The following EGF variants were observed in gnomAD, a reference collection of about 807,000 sequenced individuals.
EGF encodes epidermal growth factor.
A neutral mutation model predicts 143.8 loss-of-function variants in EGF; 95 were observed. The ratio of observed to expected loss-of-function variants is 0.66; its 90% CI spans 0.56 to 0.78. The LOEUF is 0.78. Among genes scored for constraint, EGF ranks in the 30% least tolerant of loss-of-function variants. The pLI, the probability that EGF is intolerant of heterozygous loss-of-function variation, is 0.00. For synonymous variants in EGF, 510 were observed against 510.5 expected, an observed-to-expected ratio of 1.00 and a Z score of 0.01; for missense variants, 1,320 against 1,470.9, an observed-to-expected ratio of 0.90 and a Z score of 1.68.
In EGF at chr4:109,959,277, C is replaced by T. The variant is rs371001195; in HGVS notation, c.941-35C>T. The T allele has an allele frequency of 5.1e-5, 83 of 1,612,968 alleles. No individual in the cohort carries two copies. The African/African-American group carries it at 6.4e-4, about 12-fold the overall frequency. ...TTTAGCAGTGTCCTCTGTCAAAACA[C>T]GGCCCCACTCCAAATAAAGCATCTT... On this transcript the variant is annotated intron_variant, in intron 5 of 23. Coordinates refer to ENST00000265171, the MANE Select transcript of EGF (RefSeq NM_001963.6).
In EGF at chr4:110,012,888, C is replaced by G. The variant is rs1047629094; in HGVS notation, c.*1433C>G. 6.6e-6 allele frequency among the ~76,000 whole-genome samples: 1 copy of G among 152,082 alleles called. No homozygotes were observed. Among genetic ancestry groups the G allele is most frequent in the South Asian group, 2.1e-4 (1 of 4,820 alleles). The stretch of plus-strand genomic sequence containing the variant: ...ATTCAGTTTATGCATTAACTAGTCC[C>G]TTTGTTTATCTTTCATTTCTCAACC... On this transcript the variant is annotated 3_prime_UTR_variant, in exon 24 of 24. Transcript: ENST00000265171.
At position 109,987,853 on chromosome 4, in the gene EGF, A is replaced by G. The variant is rs1284608571; in HGVS notation, c.2601A>G (p.Leu867=). The part of the protein sequence containing the change: ...CLKGFAGDGK[L]CSDIDECEMG... ...AAGGATTTGCTGGGGATGGAAAACT[A>G]TGTTCTGGTAAGAGAAAAGGGCAAA... is the stretch of plus-strand genomic sequence containing the variant. The change falls in exon 17 of 24, where the codon CTA becomes CTG. Residue 867 remains leucine (L), a synonymous_variant. Coordinates refer to ENST00000265171, the MANE Select transcript of EGF (RefSeq NM_001963.6). 1 of 1,612,920 alleles carries G rather than the reference A, an allele frequency of 6.2e-7. No individual in the cohort carries two copies. The highest frequency in any genetic ancestry group is 1.3e-5 in the African/African-American group (1 of 74,984).
At chr4:109,942,300 A>G (rs1320760167) in intron 2 of EGF, among the ~76,000 whole-genome samples, 1 of 152,256 alleles carries the variant, frequency 6.6e-6, no homozygotes, top group Non-Finnish European at 1.5e-5. Flanking sequence ...TTTATAAAGG[A>G]CAACTGTTAA....
chr4:109,932,786 G>C (rs1207694643), intron 1 of EGF, among the ~76,000 whole-genome samples: 2 of 152,064 alleles, frequency 1.3e-5, no homozygotes, highest in Admixed American at 6.6e-5. Context: ...ATAGACTATA[G>C]AGCATGCATG....
intron 1 of EGF, among the ~76,000 whole-genome samples, chr4:109,926,041 A>AAAGAT (rs1419375269): frequency 2.6e-5 from 4 of 152,216 alleles, no homozygotes; most frequent in Non-Finnish European, 5.9e-5. Flanking sequence ...TTTGTCTTAC[A>AAAGAT]TACTTCCCAC....
chr4:109,959,694 G>A (rs1424414622), intron 6 of EGF, among the ~76,000 whole-genome samples: 1 of 152,132 alleles, frequency 6.6e-6, no homozygotes, highest in African/African-American at 2.4e-5. Context: ...AGGATGCTTA[G>A]GGGTTGATAT....
chr4:110,011,021 G>A (rs1045200429), intron 23 of EGF, among the ~76,000 whole-genome samples, 181 bp from the exon 24 acceptor site: 2 of 151,392 alleles, frequency 1.3e-5, no homozygotes, highest in Non-Finnish European at 2.9e-5. Flanking sequence ...CTGCCTGGAT[G>A]ACAGAGTGAG....
intron 15 of EGF, among the ~76,000 whole-genome samples, chr4:109,982,089 C>A (rs1385764955): frequency 1.3e-5 from 2 of 151,542 alleles, no homozygotes; most frequent in Non-Finnish European, 2.9e-5. Context: ...CATGCACCAC[C>A]ATGCCTGGCT....
In EGF at chr4:109,964,410, C is replaced by A. The variant is rs1384197102; in HGVS notation, c.1448C>A (p.Pro483Gln). Residue 483 changes from proline to glutamine, a missense_variant, in exon 10 of 24, where the codon CCA (proline) becomes CAA (glutamine). Pro to Gln is a moderately conservative substitution (Grantham distance 76). This residue lies in a region of EGF where 1,186 missense variants were observed against 1,313.7 expected (regional missense o/e 0.90). Coordinates refer to ENST00000265171, the MANE Select transcript of EGF (RefSeq NM_001963.6). ...EKSCAASGPQ[P>Q]FLLFANSQDI... ...GAAATTTGGTTAACAGGACCACAAC[C>A]ATTTTTGCTGTTTGCCAATTCTCAA... is the stretch of plus-strand genomic sequence containing the variant. 1.2e-6 allele frequency: 2 copies of A among 1,613,888 alleles called. No homozygotes were observed. The highest frequency in any genetic ancestry group is 1.7e-5 in the Admixed American group (1 of 59,998).
chr4:109,957,004 C>G (rs1303501311), intron 5 of EGF, among the ~76,000 whole-genome samples: 1 of 152,170 alleles, frequency 6.6e-6, no homozygotes, highest in Non-Finnish European at 1.5e-5. Context: ...ATGCAGATTC[C>G]TGAGCCTCTG....
chr4:109,969,423 G>A (rs960200411), intron 11 of EGF, among the ~76,000 whole-genome samples: 27 of 152,088 alleles, frequency 1.8e-4, no homozygotes, highest in Non-Finnish European at 4.0e-4. Flanking sequence ...TGGACAGAGG[G>A]AGGGGAACAT....
intron 5 of EGF, among the ~76,000 whole-genome samples, chr4:109,956,536 C>A (rs1744821932): frequency 6.6e-6 from 1 of 152,122 alleles, no homozygotes; most frequent in Non-Finnish European, 1.5e-5. Context: ...TGAATTTTGT[C>A]TCCAATATTT....
intron 23 of EGF, 85 bp downstream of exon 23, chr4:110,008,315 C>T (rs773663961): frequency 3.5e-6 from 5 of 1,416,970 alleles, no homozygotes; most frequent in Non-Finnish European, 4.0e-6. Context: ...CATTTAACCA[C>T]ACACACACAC....
chr4:109,924,333 C>CAA (rs34676458), intron 1 of EGF, among the ~76,000 whole-genome samples: 2 of 150,844 alleles, frequency 1.3e-5, no homozygotes, highest in African/African-American at 2.5e-5. Flanking sequence ...TTCTTTCTAC[C>CAA]AAAAAAAATT....
intron 21 of EGF, among the ~76,000 whole-genome samples, chr4:110,003,490 G>A (rs540813792): frequency 6.6e-6 from 1 of 152,108 alleles, no homozygotes; most frequent in Non-Finnish European, 1.5e-5. Context: ...GGTACTGTCT[G>A]TGATGCCAGA....
chr4:109,929,572 T>C (rs1739322506), intron 1 of EGF, among the ~76,000 whole-genome samples: 1 of 152,174 alleles, frequency 6.6e-6, no homozygotes, highest in Non-Finnish European at 1.5e-5. Flanking sequence ...CCTGAGGACC[T>C]GGAAAGTAAG....
chr4:109,933,771 C>T (rs1579501036), intron 1 of EGF, among the ~76,000 whole-genome samples: 1 of 152,138 alleles, frequency 6.6e-6, no homozygotes, highest in Non-Finnish European at 1.5e-5. Flanking sequence ...TTTATGGCGG[C>T]ATAGTATTCC....
At chr4:109,967,149 C>A (rs756103411) in intron 10 of EGF, among the ~76,000 whole-genome samples, 32 of 151,970 alleles carry the variant, frequency 2.1e-4, no homozygotes, top group Non-Finnish European at 5.9e-5. Flanking sequence ...TCTTTTAGTT[C>A]TTCTTCTAGG....
Position 110,004,583 on chromosome 4 carries a change from T to C in EGF, c.3252T>C (p.Ala1084=), listed in dbSNP as rs1422061633. ...SSRDVRSRRP[A]DTEDGMSSCP... ...GAGATGTGAGGAGTCGCAGGCCTGC[T>C]GACACTGAGGATGGGATGTCCTCTT... The change falls in exon 22 of 24, where the codon GCT becomes GCC. Residue 1084 remains alanine (A), a synonymous_variant. Transcript: ENST00000265171. The C allele has an allele frequency of 6.2e-7, 1 of 1,613,990 alleles. No homozygotes were observed. Among genetic ancestry groups the C allele is most frequent in the Non-Finnish European group, 8.5e-7 (1 of 1,179,882 alleles).
Sources: gnomAD v4.1 joint callset for allele counts (sites outside exome capture counted in the v4.1 genomes callset) on GRCh38, gnomAD v4.1.1 for gene constraint, gnomAD v4.1.1 regional missense constraint, MANE v1.5 for transcripts, NCBI Gene and HGNC (gene_info 2026-07-23, HGNC 2026-07-21) for gene names.